The following PMPCB variants were observed in gnomAD, a reference collection of about 807,000 sequenced individuals.
PMPCB encodes peptidase, mitochondrial processing subunit beta.
PMPCB carries 46 observed loss-of-function variants against 61.5 expected under a neutral mutation model. That is an observed-to-expected ratio of 0.75 (90% CI 0.59 to 0.96). The LOEUF (loss-of-function observed/expected upper bound fraction) is 0.96. Ranked by LOEUF, PMPCB falls within the 40% of genes least tolerant of loss-of-function variation. PMPCB has a pLI of 0.00. For synonymous variants in PMPCB, 191 were observed against 201.6 expected, an observed-to-expected ratio of 0.95 and a Z score of 0.44; for missense variants, 590 against 602.4, an observed-to-expected ratio of 0.98 and a Z score of 0.22.
At chr7:103,302,262 C>T (rs1024084430) in intron 4 of PMPCB, among the ~76,000 whole-genome samples, 2 of 152,220 alleles carry the variant, frequency 1.3e-5, no homozygotes, top group South Asian at 2.1e-4. Flanking sequence ...AGTAAACATA[C>T]GTGTGCATGA....
chr7:103,328,352 T>A (rs1818817136), intron 12 of PMPCB, among the ~76,000 whole-genome samples: 1 of 152,016 alleles, frequency 6.6e-6, no homozygotes, highest in African/African-American at 2.4e-5. Context: ...AGGTGTAGGC[T>A]GGGCATGGTG....
intron 6 of PMPCB, among the ~76,000 whole-genome samples, chr7:103,306,572 G>A (rs1481633702): frequency 6.6e-6 from 1 of 151,942 alleles, no homozygotes; most frequent in Non-Finnish European, 1.5e-5. Context: ...AGTAGGGATG[G>A]GGTTTCTCCA....
At chr7:103,320,616 C>T (rs193257775) in intron 12 of PMPCB, among the ~76,000 whole-genome samples, 135 of 150,596 alleles carry the variant, frequency 9.0e-4, no homozygotes, top group African/African-American at 2.7e-3. Context: ...AAAAATTAGC[C>T]GGGCGTGGTC....
At chr7:103,322,662 G>A (rs745463348) in intron 12 of PMPCB, 3 of 1,612,546 alleles carry the variant, frequency 1.9e-6, no homozygotes, top group Non-Finnish European at 2.5e-6. Flanking sequence ...ATCTCATTTT[G>A]AATTTCTAAC....
chr7:103,315,805 A>G (rs372607095), downstream of PMPCB: 3 of 1,613,886 alleles, frequency 1.9e-6, no homozygotes, highest in African/African-American at 4.0e-5. Context: ...TGCTTGAGGT[A>G]CCACTCCATG....
At chr7:103,347,086 G>A in the PMPCB span, among the ~76,000 whole-genome samples, 7 of 152,332 alleles carry the variant, frequency 4.6e-5, no homozygotes, top group African/African-American at 9.6e-5. Context: ...GTTTCCCACA[G>A]CAGTTGCACC....
the PMPCB span, among the ~76,000 whole-genome samples, chr7:103,339,022 G>A: frequency 1.3e-5 from 2 of 152,318 alleles, no homozygotes; most frequent in Admixed American, 1.3e-4. Context: ...GAGAAGTCCT[G>A]TAATTAGATT....
intron 2 of PMPCB, 61 bp from the exon 3 acceptor site, chr7:103,299,382 G>C (rs773453727): frequency 2.0e-5 from 20 of 1,004,500 alleles, no homozygotes; most frequent in Non-Finnish European, 3.0e-5. Context: ...GAAGGAGACT[G>C]TTCCCCCCAA....
At chr7:103,329,180 A>G (rs1328385155) in exon 13 of PMPCB, 1 of 330,138 alleles carries the variant, frequency 3.0e-6, no homozygotes, top group African/African-American at 2.2e-5. Flanking sequence ...TAATAATGCT[A>G]GCTGTTAACA....
Position 103,303,937 on chromosome 7 carries a change from G to A in PMPCB, c.553G>A (p.Val185Ile). 1 of 1,613,814 alleles carries A rather than the reference G, an allele frequency of 6.2e-7. No homozygotes were observed. The change falls in exon 5 of 13, where the codon GTT (valine) becomes ATT (isoleucine). Residue 185 changes from valine to isoleucine, a missense_variant. Coordinates refer to ENST00000249269, the MANE Select transcript of PMPCB (RefSeq NM_004279.3). ...AGTAATCCTTAGAGAGATGCAGGAA[G>A]TTGAAACCAATTTACAAGAAGTTGT... ...RGVILREMQE[V>I]ETNLQEVVFD...
Position 103,297,479 on chromosome 7 carries a change from G to A in PMPCB, c.20G>A (p.Arg7Gln). ...GCAGAAATGGCGGCTGCGGCGGCTC[G>A]AGTGGTGTTGTCATCCGCGGCGCGG... MAAAAA[R>Q]VVLSSAARRR... The change falls in exon 1 of 13, where the codon CGA (arginine) becomes CAA (glutamine). Residue 7 changes from arginine (R) to glutamine (Q), a missense_variant. Physicochemically the swap from Arg to Gln is conservative, Grantham distance 43. Coordinates refer to ENST00000249269, the MANE Select transcript of PMPCB (RefSeq NM_004279.3). 1 of 1,549,688 alleles carries A rather than the reference G, an allele frequency of 6.5e-7. No individual in the cohort carries two copies. Among genetic ancestry groups the A allele is most frequent in the Non-Finnish European group, 8.7e-7 (1 of 1,148,070 alleles).
chr7:103,332,781 G>A (rs1269524783), downstream of PMPCB, among the ~76,000 whole-genome samples: 2 of 151,966 alleles, frequency 1.3e-5, no homozygotes, highest in Non-Finnish European at 2.9e-5. Context: ...GCACCACTAT[G>A]CCCAGCTAAT....
chr7:103,317,204 G>C, downstream of PMPCB: 1 of 559,694 alleles, frequency 1.8e-6, no homozygotes. Context: ...AGGTCTGCCT[G>C]AGGGACCAAG....
At chr7:103,312,179 T>G (rs778424864) in intron 12 of PMPCB, 28 bp from the exon 13 acceptor site, 1 of 1,613,902 alleles carries the variant, frequency 6.2e-7, no homozygotes, top group African/African-American at 1.3e-5. Context: ...CCAAGTACTT[T>G]TAATTAACTC....
chr7:103,344,823 C>T, the PMPCB span: 1 of 609,062 alleles, frequency 1.6e-6, no homozygotes, highest in Non-Finnish European at 2.9e-6. Flanking sequence ...CACCCTCCCA[C>T]CCCCGCCAAC....
At chr7:103,306,423 C>T (rs1371396345) in intron 6 of PMPCB, among the ~76,000 whole-genome samples, 6 of 145,180 alleles carry the variant, frequency 4.1e-5, no homozygotes, top group African/African-American at 1.3e-4. Flanking sequence ...GCTCTTATTG[C>T]CCAGGCTGGA....
At chr7:103,321,271 C>T (rs1000784337) in intron 12 of PMPCB, among the ~76,000 whole-genome samples, 2 of 152,044 alleles carry the variant, frequency 1.3e-5, no homozygotes, top group Non-Finnish European at 2.9e-5. Flanking sequence ...GTAATCCCAA[C>T]ACTTTGGAAG....
rs142012248 is a variant in PMPCB at position 103,320,233 on chromosome 7, C to T, written c.*1431+8102C>T. On this transcript the variant is annotated intron_variant and NMD_transcript_variant, in intron 12 of 12. Transcript: ENST00000444457. ...TCTCCTGAGTAGCTGGAATTACAGG[C>T]GCCTGCCACCACACCTGGCTAATTT... Among the ~76,000 whole-genome samples, 238 of 152,028 alleles carry T rather than the reference C, an allele frequency of 1.6e-3. 7 individuals carry two copies. In the East Asian group the frequency reaches 0.044, roughly 28 times the overall value.
the PMPCB span, chr7:103,337,906 G>C: frequency 2.5e-5 from 22 of 884,038 alleles, no homozygotes; most frequent in Admixed American, 4.8e-4. Flanking sequence ...TTCCCAAAGT[G>C]ACATTTCATC....
Sources: allele counts gnomAD v4.1 joint callset (sites outside exome capture counted in the v4.1 genomes callset), GRCh38; gene constraint gnomAD v4.1.1; transcripts MANE v1.5; gene names NCBI Gene and HGNC (gene_info 2026-07-23, HGNC 2026-07-21).